The following ME3 variants were observed in gnomAD, a reference collection of about 807,000 sequenced individuals.
ME3 encodes malic enzyme 3.
Under a neutral mutation model 68.9 loss-of-function variants are expected in ME3, and 48 were observed. That is an observed-to-expected ratio of 0.70 (90% CI 0.55 to 0.89). The LOEUF (loss-of-function observed/expected upper bound fraction) is 0.89. Among genes scored for constraint, ME3 ranks in the 40% least tolerant of loss-of-function variants. The probability of loss-of-function intolerance (pLI) is 0.00; values close to 1 mark genes in which losing one functional copy is unlikely to be tolerated. For synonymous variants in ME3, 320 were observed against 318.8 expected (o/e 1.00, Z -0.04); for missense variants, 675 against 797.4 (o/e 0.85, Z 1.85).
chr11:86,467,691 T>TCA (rs1433757363), intron 7 of ME3, among the ~76,000 whole-genome samples: 25 of 137,052 alleles, frequency 1.8e-4, no homozygotes, highest in East Asian at 1.0e-3. Flanking sequence ...TCTCTCTCTC[T>TCA]CTCACACACA....
chr11:86,604,902 A>G (rs1423509651), intron 2 of ME3, among the ~76,000 whole-genome samples: 1 of 152,230 alleles, frequency 6.6e-6, no homozygotes, highest in Non-Finnish European at 1.5e-5. Context: ...ATTTAATAAC[A>G]TTTAGTGCAT....
Position 86,639,587 on chromosome 11 carries a change from C to T in ME3, c.183+32175G>A, listed in dbSNP as rs1944541033. On this transcript the variant is annotated intron_variant, in intron 2 of 14. Coordinates refer to ENST00000543262, the Ensembl canonical transcript of ME3. ...CCTCTCCTAGAATCCTGGATCTGAG[C>T]TTTCTATTGGGTCTGGATTCAAAGC... Among the ~76,000 whole-genome samples, 3 of 152,170 alleles carry T rather than the reference C, an allele frequency of 2.0e-5. No homozygotes were observed. The South Asian group carries it at 6.2e-4, about 31-fold the overall frequency.
intron 6 of ME3, among the ~76,000 whole-genome samples, chr11:86,489,499 G>C (rs1951872517): frequency 6.6e-6 from 1 of 152,202 alleles, no homozygotes; most frequent in East Asian, 1.9e-4. Flanking sequence ...CAATGAGGTT[G>C]TGTCAGCCAT....
At chr11:86,630,930 G>C (rs1943974695) in intron 2 of ME3, among the ~76,000 whole-genome samples, 1 of 152,200 alleles carries the variant, frequency 6.6e-6, no homozygotes, top group South Asian at 2.1e-4. Context: ...GTGAGGGAGG[G>C]CAGGTGGTTA....
intron 2 of ME3, among the ~76,000 whole-genome samples, chr11:86,625,320 C>T (rs191298884): frequency 1.7e-4 from 26 of 151,878 alleles, no homozygotes; most frequent in Admixed American, 5.9e-4. Flanking sequence ...AGAATGAAGA[C>T]GCGTAGCTGA....
intron 4 of ME3, among the ~76,000 whole-genome samples, chr11:86,511,765 A>G (rs1179967091): frequency 6.6e-6 from 1 of 152,158 alleles, no homozygotes; most frequent in East Asian, 1.9e-4. Flanking sequence ...TCGAGGTCAC[A>G]AGATTTTTGA....
At chr11:86,660,867 A>G (rs1186358953) in intron 2 of ME3, among the ~76,000 whole-genome samples, 1 of 150,254 alleles carries the variant, frequency 6.7e-6, no homozygotes, top group African/African-American at 2.5e-5. Context: ...CAAAATTTGT[A>G]TGATGAAATA....
At chr11:86,645,435 C>A (rs922973881) in intron 2 of ME3, among the ~76,000 whole-genome samples, 8 of 152,160 alleles carry the variant, frequency 5.3e-5, no homozygotes, top group Non-Finnish European at 1.2e-4. Flanking sequence ...ACAGTGTAAA[C>A]AAAGCCACCA....
At chr11:86,507,223 G>A (rs1203472458) in intron 5 of ME3, among the ~76,000 whole-genome samples, 1 of 152,224 alleles carries the variant, frequency 6.6e-6, no homozygotes, top group African/African-American at 2.4e-5. Flanking sequence ...CAGGGAATGG[G>A]CAGGGAAAAA....
At chr11:86,594,730 T>C (rs1959191571) in intron 2 of ME3, among the ~76,000 whole-genome samples, 1 of 145,750 alleles carries the variant, frequency 6.9e-6, no homozygotes, top group African/African-American at 2.5e-5. Context: ...CAAAGTCTGC[T>C]CTCCAAATGT....
At chr11:86,634,927 A>C (rs1266774332) in intron 2 of ME3, among the ~76,000 whole-genome samples, 1 of 150,138 alleles carries the variant, frequency 6.7e-6, no homozygotes, top group South Asian at 2.1e-4. Flanking sequence ...ACAACAACAA[A>C]AAACCCAGAA....
chr11:86,626,445 C>T (rs1409542216), intron 2 of ME3, among the ~76,000 whole-genome samples: 9 of 152,160 alleles, frequency 5.9e-5, no homozygotes, highest in East Asian at 1.9e-4. Flanking sequence ...CATTGCACCC[C>T]GTCTCATAGA....
intron 7 of ME3, among the ~76,000 whole-genome samples, chr11:86,476,759 G>A (rs1484633527): frequency 6.6e-6 from 1 of 152,154 alleles, no homozygotes; most frequent in African/African-American, 2.4e-5. Context: ...TGAAGACCAA[G>A]CATTTACTAA....
At chr11:86,620,525 A>G (rs930952920) in intron 2 of ME3, among the ~76,000 whole-genome samples, 1 of 152,232 alleles carries the variant, frequency 6.6e-6, no homozygotes, top group Non-Finnish European at 1.5e-5. Context: ...TAAGAGTGAT[A>G]TGCAAGGGGC....
At chr11:86,616,242 CATT>C (rs1324701511) in intron 2 of ME3, among the ~76,000 whole-genome samples, 4 of 152,104 alleles carry the variant, frequency 2.6e-5, no homozygotes, top group Non-Finnish European at 5.9e-5. Context: ...CTAAATGTTT[CATT>C]ATCATAAATA....
intron 7 of ME3, among the ~76,000 whole-genome samples, chr11:86,471,139 A>C (rs10898485): frequency 0.23 from 26,027 of 113,592 alleles, 3,456 homozygotes; most frequent in Middle Eastern, 0.31. Context: ...TAAGGCCCAG[A>C]GCTTTTTTTT....
chr11:86,611,719 T>A (rs866599243), intron 2 of ME3, among the ~76,000 whole-genome samples: 16 of 152,178 alleles, frequency 1.1e-4, no homozygotes, highest in Middle Eastern at 6.8e-3. Context: ...AGGGCCTTGA[T>A]TGTTGGCTCT....
intron 4 of ME3, among the ~76,000 whole-genome samples, chr11:86,522,594 C>A (rs1377700807): frequency 1.3e-5 from 2 of 151,926 alleles, no homozygotes; most frequent in Non-Finnish European, 2.9e-5. Context: ...TGTGTTTTCA[C>A]TGTTCAACTC....
At chr11:86,578,588 C>G (rs181568900) in intron 2 of ME3, among the ~76,000 whole-genome samples, 10 of 152,144 alleles carry the variant, frequency 6.6e-5, no homozygotes, top group Admixed American at 4.6e-4. Context: ...CTAATATGAA[C>G]CAAATCCTCA....
Sources: gnomAD v4.1 joint callset for allele counts (sites outside exome capture counted in the v4.1 genomes callset) on GRCh38, gnomAD v4.1.1 for gene constraint, MANE v1.5 for transcripts, NCBI Gene and HGNC (gene_info 2026-07-23, HGNC 2026-07-21) for gene names.